Variants in DAPK1 observed in about 807,000 individuals in gnomAD.
DAPK1 encodes death-associated protein kinase 1.
DAPK1 carries 56 observed loss-of-function variants against 144.9 expected under a neutral mutation model. The observed-to-expected ratio is 0.39, with a 90% CI of 0.31 to 0.48. DAPK1 has a LOEUF of 0.48. Ranked by LOEUF, DAPK1 falls within the 20% of genes least tolerant of loss-of-function variation. DAPK1 has a pLI of 0.95. For missense variants in DAPK1, 1,454 were observed against 1,875.4 expected, an observed-to-expected ratio of 0.78 and a Z score of 4.15; for synonymous variants, 690 against 749.0, an observed-to-expected ratio of 0.92 and a Z score of 1.29.
intron 19 of DAPK1, among the ~76,000 whole-genome samples, chr9:87,669,543 G>A (rs1338333527): frequency 5.4e-5 from 4 of 74,700 alleles, no homozygotes; most frequent in African/African-American, 2.7e-4. Flanking sequence ...TATAACAATG[G>A]TAATCATTTT....
At chr9:87,609,144 C>T (rs545755877) in intron 3 of DAPK1, among the ~76,000 whole-genome samples, 14 of 152,268 alleles carry the variant, frequency 9.2e-5, no homozygotes, top group African/African-American at 2.6e-4. Flanking sequence ...ACTGGGACAC[C>T]GGCTTTTCCT....
At chr9:87,551,314 A>AT (rs1309865596) in intron 2 of DAPK1, among the ~76,000 whole-genome samples, 9 of 151,636 alleles carry the variant, frequency 5.9e-5, no homozygotes, top group Middle Eastern at 3.2e-3. Context: ...CGCCTGGCTA[A>AT]TTTTTGTATT....
chr9:87,511,753 C>T (rs548194878), intron 2 of DAPK1, among the ~76,000 whole-genome samples: 67 of 150,454 alleles, frequency 4.5e-4, no homozygotes, highest in African/African-American at 1.5e-3. Context: ...CTCTGTCACC[C>T]GGCCTGGAGT....
At chr9:87,599,450 C>T (rs1192448014) in intron 2 of DAPK1, among the ~76,000 whole-genome samples, 2 of 152,116 alleles carry the variant, frequency 1.3e-5, no homozygotes, top group Admixed American at 6.5e-5. Flanking sequence ...TCAGCCTGTT[C>T]TTTATGAAGC....
chr9:87,650,289 T>C (rs914051477), intron 16 of DAPK1, 171 bp downstream of exon 16: 9 of 607,716 alleles, frequency 1.5e-5, no homozygotes, highest in Non-Finnish European at 2.6e-5. Context: ...ATATTGTATT[T>C]AATAGTTAAT....
intron 2 of DAPK1, among the ~76,000 whole-genome samples, chr9:87,548,678 C>A (rs1426488806): frequency 6.6e-6 from 1 of 152,242 alleles, no homozygotes; most frequent in East Asian, 1.9e-4. Flanking sequence ...ATTTCTGAAC[C>A]AGTGTTGCAT....
At chr9:87,519,556 G>A (rs1161174052) in intron 2 of DAPK1, among the ~76,000 whole-genome samples, 1 of 64,830 alleles carries the variant, frequency 1.5e-5, no homozygotes, top group Admixed American at 1.8e-4. Flanking sequence ...TGGTGGATTG[G>A]GGCTGTCACG....
intron 19 of DAPK1, 34 bp from the exon 20 acceptor site, chr9:87,681,370 T>C (rs1373458138): frequency 3.5e-6 from 4 of 1,140,584 alleles, no homozygotes; most frequent in Non-Finnish European, 5.3e-6. Context: ...CCTCTTTTTC[T>C]GTCACTCACT....
At chr9:87,646,625 G>T in intron 13 of DAPK1, 66 bp downstream of exon 13, 1 of 1,304,724 alleles carries the variant, frequency 7.7e-7, no homozygotes, top group Non-Finnish European at 1.1e-6. Flanking sequence ...TAATCATAGG[G>T]GTAACAGAGG....
intron 3 of DAPK1, among the ~76,000 whole-genome samples, chr9:87,635,940 G>A (rs1829879560): frequency 6.6e-6 from 1 of 152,214 alleles, no homozygotes; most frequent in Non-Finnish European, 1.5e-5. Context: ...GGTGTGATGG[G>A]AGAGCTTTCT....
chr9:87,656,915 G>A (rs565838990), intron 17 of DAPK1, among the ~76,000 whole-genome samples: 3 of 152,168 alleles, frequency 2.0e-5, no homozygotes, highest in Non-Finnish European at 4.4e-5. Flanking sequence ...TCTGAGCTAG[G>A]GAGCTTGAGA....
chr9:87,700,340 T>A, intron 24 of DAPK1, 103 bp downstream of exon 24: 1 of 821,820 alleles, frequency 1.2e-6, no homozygotes, highest in Non-Finnish European at 2.1e-6. Flanking sequence ...AAGAGGTGTC[T>A]GCCTGGACAT....
At chr9:87,539,583 A>G (rs1825972419) in intron 2 of DAPK1, among the ~76,000 whole-genome samples, 1 of 151,238 alleles carries the variant, frequency 6.6e-6, no homozygotes, top group Admixed American at 6.6e-5. Context: ...ACATCTGGCT[A>G]ATTTTTGTGT....
At chr9:87,519,338 G>GT (rs560646101) in intron 2 of DAPK1, among the ~76,000 whole-genome samples, 355 of 152,364 alleles carry the variant, frequency 2.3e-3, no homozygotes, top group Non-Finnish European at 3.7e-3. Context: ...GACAGGAGTG[G>GT]TATTTCCGCC....
intron 3 of DAPK1, chr9:87,632,676 A>G (rs1829741683): frequency 2.0e-6 from 2 of 982,758 alleles, no homozygotes; most frequent in Non-Finnish European, 2.4e-6. Context: ...ATGAAGGAAG[A>G]TGAGTACCTA....
chr9:87,538,401 AGT>A (rs1825931316), intron 2 of DAPK1, among the ~76,000 whole-genome samples: 1 of 152,316 alleles, frequency 6.6e-6, no homozygotes, highest in African/African-American at 2.4e-5. Flanking sequence ...TAGATGTCCG[AGT>A]GTGTGTAGAT....
intron 2 of DAPK1, among the ~76,000 whole-genome samples, chr9:87,556,111 C>T (rs567770285): frequency 7.2e-5 from 11 of 152,202 alleles, no homozygotes; most frequent in African/African-American, 2.2e-4. Flanking sequence ...TCTCCGTCAC[C>T]GAAACTCATC....
At chr9:87,527,757 G>T (rs554619333) in intron 2 of DAPK1, among the ~76,000 whole-genome samples, 131 of 152,290 alleles carry the variant, frequency 8.6e-4, no homozygotes, top group Middle Eastern at 3.4e-3. Context: ...CCGGATTATT[G>T]GGACTATTCC....
At chr9:87,504,787 C>T (rs1352490133) in intron 2 of DAPK1, among the ~76,000 whole-genome samples, 4 of 152,052 alleles carry the variant, frequency 2.6e-5, no homozygotes, top group African/African-American at 9.7e-5. Context: ...GTAATCTTCC[C>T]ATATATCTTA....
Sources: gnomAD v4.1 joint callset for allele counts (sites outside exome capture counted in the v4.1 genomes callset) on GRCh38, gnomAD v4.1.1 for gene constraint, MANE v1.5 for transcripts, NCBI Gene and HGNC (gene_info 2026-07-23, HGNC 2026-07-21) for gene names.